Variants in TTLL8 observed in about 807,000 individuals in gnomAD.
TTLL8 encodes protein monoglycylase TTLL8.
In TTLL8, 65 loss-of-function variants were observed where a neutral mutation model predicts 77.8. That is an observed-to-expected ratio of 0.84 (90% CI 0.68 to 1.03). The LOEUF is 1.03. Ranked by LOEUF, TTLL8 falls within the 50% of genes least tolerant of loss-of-function variation. The probability of loss-of-function intolerance (pLI) is 0.00; values close to 1 mark genes in which losing one functional copy is unlikely to be tolerated. For missense variants in TTLL8, 910 were observed against 1,004.5 expected (o/e 0.91, Z 1.27); for synonymous variants, 402 against 422.8 (o/e 0.95, Z 0.60).
Position 50,052,621 on chromosome 22 carries a change from A to C in TTLL8, c.51+1955T>G, listed in dbSNP as rs149387008. On this transcript the variant is annotated intron_variant, in intron 1 of 13. Coordinates refer to ENST00000266182, the Ensembl canonical transcript of TTLL8. ...AGGTATACAGATGATGGGGTAGAAA[A>C]GGAAAAGATAGAAATATGAGACAAA... 3.3e-5 allele frequency among the ~76,000 whole-genome samples: 5 copies of C among 152,382 alleles called. No individual in the cohort carries two copies. In the East Asian group the frequency reaches 9.6e-4, roughly 29 times the overall value.
In TTLL8 at chr22:50,050,100, A is replaced by ATACGC; in HGVS notation, c.190+4_190+8dup. 1 of 1,366,290 alleles carries ATACGC rather than the reference A, an allele frequency of 7.3e-7. No individual in the cohort carries two copies. The highest frequency in any genetic ancestry group is 9.8e-7 in the Non-Finnish European group (1 of 1,021,586). The allele number at this position is 1,366,290 out of a possible 1,614,324, so 84.6% of individuals were successfully genotyped here. ...CCCTGAGCTGAGACGTGCGCCTCCG[A>ATACGC]TACGCTACCATTGACCCGGGCGCCT... On this transcript the variant is annotated intron_variant, in intron 2 of 13. Transcript: ENST00000266182.
rs1432750993 is a variant in TTLL8, at chr22:50,024,368, G to A, written c.2203+6062C>T. 4.6e-5 allele frequency among the ~76,000 whole-genome samples: 7 copies of A among 152,084 alleles called. No homozygotes were observed. The South Asian group carries it at 8.3e-4, about 18-fold the overall frequency. On this transcript the variant is annotated intron_variant, in intron 12 of 13. Coordinates refer to ENST00000266182, the Ensembl canonical transcript of TTLL8. ...TCCAACTTGTGACCTCAAATGATCC[G>A]CCCGCCTCGGCCTCCCAGAGTGCTG... is the stretch of plus-strand genomic sequence containing the variant.
chr22:50,027,684 G>C, intron 12 of TTLL8: 1 of 985,454 alleles, frequency 1.0e-6, no homozygotes. Context: ...ACTGGGCCTG[G>C]TGACCCTGTC....
chr22:50,027,345 C>A (rs965280424), intron 12 of TTLL8, among the ~76,000 whole-genome samples: 25 of 150,994 alleles, frequency 1.7e-4, no homozygotes, highest in African/African-American at 5.9e-4. Context: ...ACCAGCCTGG[C>A]CAACATGGTG....
chr22:50,026,408 C>T (rs1452840603), intron 12 of TTLL8, among the ~76,000 whole-genome samples: 5 of 115,556 alleles, frequency 4.3e-5, no homozygotes, highest in East Asian at 2.1e-4. Flanking sequence ...TCTGCACCGC[C>T]GCCACCTCAG....
chr22:50,057,328 C>A (rs2061478085), upstream of TTLL8, among the ~76,000 whole-genome samples: 1 of 51,578 alleles, frequency 1.9e-5, no homozygotes. Flanking sequence ...GGTGTCAGGT[C>A]TGGGTTGTGA....
At chr22:50,024,322 G>A (rs796396990) in intron 12 of TTLL8, among the ~76,000 whole-genome samples, 5 of 151,854 alleles carry the variant, frequency 3.3e-5, no homozygotes, top group East Asian at 2.0e-4. Context: ...TAGTAGTTTC[G>A]CCATGTTGGT....
intron 12 of TTLL8, among the ~76,000 whole-genome samples, chr22:50,023,684 AAAATAAATAAATAAATAAAT>A (rs56403599): frequency 2.0e-5 from 3 of 149,416 alleles, no homozygotes; most frequent in Non-Finnish European, 4.4e-5. Flanking sequence ...ACTCCGTCTC[AAAATAAATAAATAAATAAAT>A]AAATAAATAA....
intron 12 of TTLL8, among the ~76,000 whole-genome samples, chr22:50,024,304 T>A (rs1347121618): frequency 1.3e-5 from 2 of 150,644 alleles, no homozygotes; most frequent in African/African-American, 4.9e-5. Context: ...GCCTGGCTAT[T>A]TTTTTTTTAG....
upstream of TTLL8, among the ~76,000 whole-genome samples, chr22:50,057,205 T>TG (rs2061476216): frequency 1.7e-5 from 2 of 120,128 alleles, no homozygotes; most frequent in African/African-American, 3.4e-5. Context: ...AGGTCTGGAT[T>TG]AGGGGTCAGC....
At chr22:50,038,813 C>T (rs80258258) in intron 8 of TTLL8, among the ~76,000 whole-genome samples, 2 of 135,904 alleles carry the variant, frequency 1.5e-5, no homozygotes, top group South Asian at 2.3e-4. Flanking sequence ...ACCCCAATCT[C>T]AAAAAAAAAA....
intron 12 of TTLL8, among the ~76,000 whole-genome samples, chr22:50,023,061 C>T (rs116750903): frequency 5.3e-4 from 80 of 151,226 alleles, no homozygotes; most frequent in African/African-American, 1.9e-3. Context: ...CACGTCAGGA[C>T]ACAGTGTCCA....
exon 12 of TTLL8, chr22:50,030,652 C>G (rs753801397): frequency 1.6e-6 from 2 of 1,281,904 alleles, no homozygotes; most frequent in East Asian, 9.8e-5. Context: ...GCGGCTCCAC[C>G]GCTCTCGGCT....
At chr22:50,033,145 A>T (rs2061309613) in intron 10 of TTLL8, 57 bp downstream of exon 11, 1 of 1,288,136 alleles carries the variant, frequency 7.8e-7, no homozygotes, top group Non-Finnish European at 1.0e-6. Flanking sequence ...TGCTCCAGGC[A>T]TGCAGGCAGC....
upstream of TTLL8, among the ~76,000 whole-genome samples, chr22:50,057,374 G>A (rs1422536739): frequency 1.6e-4 from 17 of 103,786 alleles, no homozygotes; most frequent in African/African-American, 7.1e-4. Flanking sequence ...CTGGGTTGGG[G>A]GATCAGGTCT....
chr22:50,022,179 T>G lies in TTLL8; in HGVS notation c.2204-5617A>C, dbSNP rs1225166338. Among the ~76,000 whole-genome samples, 12 of 135,886 alleles carry G rather than the reference T, an allele frequency of 8.8e-5. No individual in the cohort carries two copies. The East Asian group carries it at 1.7e-3, about 19-fold the overall frequency. The allele number at this position is 135,886 out of a possible 152,430, so 89.1% of individuals were successfully genotyped here. A position where few individuals can be genotyped will look rare whatever the true frequency, so the allele number is the denominator to read the frequency against. On this transcript the variant is annotated intron_variant, in intron 12 of 13. Coordinates refer to ENST00000266182, the Ensembl canonical transcript of TTLL8. ...TGATGACGTGCACTCCTCCATCTGATGATGTGCACTCCTCCATCTGACGAC... is the reference window on the plus strand; with the variant it reads ...TGATGACGTGCACTCCTCCATCTGAGGATGTGCACTCCTCCATCTGACGAC...
intron 12 of TTLL8, among the ~76,000 whole-genome samples, chr22:50,020,617 G>A (rs1410505496): frequency 2.8e-5 from 4 of 143,192 alleles, no homozygotes; most frequent in East Asian, 2.2e-4. Flanking sequence ...ATCTAACGAC[G>A]TGTACCCCTC....
chr22:50,026,416 C>T (rs1251143801), intron 12 of TTLL8, among the ~76,000 whole-genome samples: 2 of 116,452 alleles, frequency 1.7e-5, no homozygotes, highest in Admixed American at 1.9e-4. Flanking sequence ...GCCGCCACCT[C>T]AGAGCGGAGG....
In TTLL8 at chr22:50,045,990, T is replaced by G; in HGVS notation, c.394-20A>C. On this transcript the variant is annotated intron_variant, in intron 4 of 13. Transcript: ENST00000266182. The stretch of plus-strand genomic sequence containing the variant: ...CCCGATCTCCAGAGACAGTGGCGTG[T>G]TAGGCAGGAGGGGCAGCTCAGCTCA... 7.5e-7 allele frequency: 1 copy of G among 1,334,270 alleles called. No individual in the cohort carries two copies. Among genetic ancestry groups the G allele is most frequent in the South Asian group, 1.2e-5 (1 of 83,782 alleles). 82.7% of individuals were successfully genotyped at this position (1,334,270 alleles called of 1,614,324 possible).
Sources: allele counts gnomAD v4.1 joint callset (sites outside exome capture counted in the v4.1 genomes callset), GRCh38; gene constraint gnomAD v4.1.1; transcripts MANE v1.5; gene names NCBI Gene and HGNC (gene_info 2026-07-23, HGNC 2026-07-21).